The following RASSF3 variants were observed in gnomAD, a reference collection of about 807,000 sequenced individuals.
RASSF3 encodes the protein ras association domain-containing protein 3.
Under a neutral mutation model 19.9 loss-of-function variants are expected in RASSF3, and 19 were observed. The ratio of observed to expected loss-of-function variants is 0.96; its 90% confidence interval spans 0.67 to 1.40. RASSF3 has a LOEUF of 1.40. Among genes scored for constraint, RASSF3 ranks in the 40% most tolerant of loss-of-function variants. The probability of loss-of-function intolerance (pLI) is 0.00; values close to 1 mark genes in which losing one functional copy is unlikely to be tolerated. For missense variants in RASSF3, 306 were observed against 289.8 expected (o/e 1.06, Z -0.41); for synonymous variants, 110 against 104.2 (o/e 1.06, Z -0.34).
intron 1 of RASSF3, among the ~76,000 whole-genome samples, chr12:64,525,279 AAAAT>A (rs1187463801): frequency 6.6e-6 from 1 of 151,352 alleles, no homozygotes; most frequent in Non-Finnish European, 1.5e-5. Flanking sequence ...CGTGTCAAGA[AAAAT>A]AAAAAAAGAA....
At position 64,507,714 on chromosome 12, in the gene RASSF3, G is replaced by C. The variant is rs556314058; in HGVS notation, c.169+385G>C. Among the ~76,000 whole-genome samples, 4 of 152,270 alleles carry C rather than the reference G, an allele frequency of 2.6e-5. No homozygotes were observed. The East Asian group carries it at 7.7e-4, about 29-fold the overall frequency. ...AGAATAAACAGAACACAAAAAATAA[G>C]TCACAGTGAGTTCCCCTCCTTTCCA... On this transcript the variant is annotated intron_variant, in intron 1 of 5. Coordinates refer to the RASSF3 transcript ENST00000637125.
At chr12:64,542,139 AAAAAATAAAAAT>A, downstream of RASSF3, among the ~76,000 whole-genome samples, 1 of 152,010 alleles carries the variant, frequency 6.6e-6, no homozygotes, top group East Asian at 1.9e-4. Context: ...GCATCTCTAC[AAAAAATAAAAAT>A]AAAAATAAAA....
Position 64,684,912 on chromosome 12 carries a change from T to A in RASSF3, c.219+18T>A. The A allele has an allele frequency of 7.0e-7, 1 of 1,432,388 alleles. No individual in the cohort carries two copies. The highest frequency in any genetic ancestry group is 2.3e-5 in the East Asian group (1 of 44,022). The allele number at this position is 1,432,388 out of a possible 1,614,324, so 88.7% of individuals were successfully genotyped here. ...TGACCTTGGTAAGCACTCAAAATAC[T>A]ATTTAGGTTGACACCTGTCAAAAGA... On this transcript the variant is annotated intron_variant, in intron 2 of 4. Coordinates refer to ENST00000542104, the MANE Select transcript of RASSF3 (RefSeq NM_178169.4).
chr12:64,512,493 T>C (rs1251939781), intron 1 of RASSF3, among the ~76,000 whole-genome samples: 1 of 152,096 alleles, frequency 6.6e-6, no homozygotes, highest in Non-Finnish European at 1.5e-5. Flanking sequence ...GGAGACAGCT[T>C]GAAACAAATA....
intron 2 of RASSF3, among the ~76,000 whole-genome samples, chr12:64,579,794 T>G (rs1869658794): frequency 6.8e-6 from 1 of 147,490 alleles, no homozygotes; most frequent in Non-Finnish European, 1.5e-5. Flanking sequence ...GGTACAAAAC[T>G]AGGTGTTTTT....
intron 2 of RASSF3, among the ~76,000 whole-genome samples, chr12:64,585,196 T>C (rs1869774314): frequency 6.6e-6 from 1 of 152,062 alleles, no homozygotes; most frequent in Non-Finnish European, 1.5e-5. Flanking sequence ...AATATTTTCT[T>C]AAATGTGAAC....
At chr12:64,586,491 G>GAAAAAAA (rs10708538) in intron 2 of RASSF3, among the ~76,000 whole-genome samples, 2 of 70,132 alleles carry the variant, frequency 2.9e-5, no homozygotes, top group Admixed American at 2.3e-4. Flanking sequence ...CTCCTTCTCA[G>GAAAAAAA]AAAAAAAAAA....
chr12:64,685,091 T>C (rs1209735422), intron 2 of RASSF3, among the ~76,000 whole-genome samples, 197 bp downstream of exon 2: 1 of 152,214 alleles, frequency 6.6e-6, no homozygotes, highest in African/African-American at 2.4e-5. Context: ...GTCTCAAAAA[T>C]CAGTTGCTGG....
chr12:64,662,670 G>A (rs1872411274), intron 1 of RASSF3, among the ~76,000 whole-genome samples: 1 of 152,212 alleles, frequency 6.6e-6, no homozygotes, highest in South Asian at 2.1e-4. Context: ...GTGTGTATAT[G>A]TGTGTTGAGA....
chr12:64,611,553 G>A (rs1870365382), intron 1 of RASSF3: 1 of 152,276 alleles, frequency 6.6e-6, no homozygotes, highest in Non-Finnish European at 1.5e-5. Flanking sequence ...CGGCTGGACT[G>A]AGGAGCCCGG....
intron 1 of RASSF3, among the ~76,000 whole-genome samples, chr12:64,539,245 G>A (rs1162900702): frequency 6.6e-6 from 1 of 152,052 alleles, no homozygotes; most frequent in Non-Finnish European, 1.5e-5. Flanking sequence ...AAGGGGGCAG[G>A]AGCATGTGTG....
intron 2 of RASSF3, among the ~76,000 whole-genome samples, chr12:64,583,056 G>C (rs1354371111): frequency 6.6e-6 from 1 of 152,004 alleles, no homozygotes; most frequent in Non-Finnish European, 1.5e-5. Context: ...TGCAAGACAA[G>C]CAGTTCTCTC....
chr12:64,670,570 G>A (rs1437562573), intron 1 of RASSF3, among the ~76,000 whole-genome samples: 1 of 148,160 alleles, frequency 6.7e-6, no homozygotes, highest in Admixed American at 6.7e-5. Context: ...TTGTGGGGGG[G>A]ATCTTTTCAT....
At chr12:64,645,646 C>CA (rs1185111615) in intron 1 of RASSF3, among the ~76,000 whole-genome samples, 2 of 151,132 alleles carry the variant, frequency 1.3e-5, no homozygotes, top group Non-Finnish European at 3.0e-5. Context: ...CCATCCTTAC[C>CA]AAAAAAAGAG....
downstream of RASSF3, among the ~76,000 whole-genome samples, chr12:64,543,021 C>CG (rs1400071489): frequency 2.7e-5 from 3 of 112,748 alleles, no homozygotes; most frequent in Admixed American, 8.4e-5. Flanking sequence ...CTTGGAGTGG[C>CG]GGGCCCCGCA....
intron 3 of RASSF3, among the ~76,000 whole-genome samples, chr12:64,689,281 C>T (rs776223852): frequency 1.4e-4 from 21 of 150,538 alleles, no homozygotes; most frequent in Admixed American, 6.6e-4. Flanking sequence ...TGGTTTTTCT[C>T]GGTAAAGCCT....
chr12:64,625,563 G>A (rs1220237298), intron 1 of RASSF3, among the ~76,000 whole-genome samples: 4 of 152,050 alleles, frequency 2.6e-5, no homozygotes, highest in Non-Finnish European at 4.4e-5. Flanking sequence ...TCTTCCTGGG[G>A]CTTTCCTTTT....
chr12:64,636,140 G>C (rs1871323445), intron 1 of RASSF3, among the ~76,000 whole-genome samples: 1 of 150,486 alleles, frequency 6.6e-6, no homozygotes. Context: ...TTTCTGATAT[G>C]GAGTCTCACT....
chr12:64,592,281 A>AT, intron 2 of RASSF3, among the ~76,000 whole-genome samples: 1 of 152,296 alleles, frequency 6.6e-6, no homozygotes, highest in Middle Eastern at 3.4e-3. Context: ...TTTTTAAATG[A>AT]TTTATCCTGG....
Sources: allele counts gnomAD v4.1 joint callset (sites outside exome capture counted in the v4.1 genomes callset), GRCh38; gene constraint gnomAD v4.1.1; transcripts MANE v1.5; gene names NCBI Gene and HGNC (gene_info 2026-07-23, HGNC 2026-07-21).